Variants in PARP15 observed in about 807,000 individuals in gnomAD.
PARP15 encodes the protein protein mono-ADP-ribosyltransferase PARP15.
In PARP15, 50 loss-of-function variants were observed where a neutral mutation model predicts 62.1. The ratio of observed to expected loss-of-function variants is 0.81; its 90% CI spans 0.64 to 1.02. The LOEUF is 1.02. Among genes scored for constraint, PARP15 ranks in the 50% least tolerant of loss-of-function variants. The pLI is 0.00. For synonymous variants in PARP15, 309 were observed against 293.1 expected (o/e 1.05, Z -0.55); for missense variants, 820 against 826.5 (o/e 0.99, Z 0.10).
At chr3:122,596,443 G>A (rs146295075) in intron 1 of PARP15, among the ~76,000 whole-genome samples, 6 of 148,344 alleles carry the variant, frequency 4.0e-5, no homozygotes, top group African/African-American at 1.5e-4. Flanking sequence ...TCATCAACTT[G>A]CATTACCCAT....
chr3:122,589,035 C>T (rs1035118347), intron 1 of PARP15, among the ~76,000 whole-genome samples: 1 of 152,166 alleles, frequency 6.6e-6, no homozygotes, highest in Non-Finnish European at 1.5e-5. Flanking sequence ...CTGCCGTGAA[C>T]ATTTGTTGTC....
rs1935495290 is a variant in PARP15 at position 122,610,630 on chromosome 3, T to C, written c.443T>C (p.Val148Ala). 1.3e-6 allele frequency: 2 copies of C among 1,551,390 alleles called. No homozygotes were observed. The highest frequency in any genetic ancestry group is 1.4e-5 in the African/African-American group (1 of 72,956). Residue 148 changes from valine (V) to alanine (A), a missense_variant, in exon 3 of 12, where the codon GTA (valine) becomes GCA (alanine). By Grantham distance (64) the Val-to-Ala change is moderately conservative. This residue lies in a region of PARP15 where 731 missense variants were observed against 727.7 expected (regional missense o/e 1.00). Transcript: ENST00000464300. ...DDRRRETEEK[V>A]GNIFMTSGCN... ...AGAAGGCGGGAAACAGAGGAAAAAG[T>C]AGGTAACATATTCATGACAAGCGGC...
chr3:122,611,297 T>TA (rs1935545973), intron 3 of PARP15, among the ~76,000 whole-genome samples: 1 of 151,994 alleles, frequency 6.6e-6, no homozygotes. Context: ...AAAAAGACAA[T>TA]AAAAATAATA....
At chr3:122,595,288 C>T (rs1055168246) in intron 1 of PARP15, among the ~76,000 whole-genome samples, 31 of 151,688 alleles carry the variant, frequency 2.0e-4, no homozygotes, top group African/African-American at 7.3e-4. Context: ...TTGTCTACCT[C>T]ACCCCCATTT....
At chr3:122,629,607 G>A (rs536391089) in intron 9 of PARP15, among the ~76,000 whole-genome samples, 4 of 152,270 alleles carry the variant, frequency 2.6e-5, no homozygotes, top group African/African-American at 9.6e-5. Context: ...GTGGTTTCAG[G>A]ATGGTCCGAG....
chr3:122,611,121 A>C (rs889570365), intron 3 of PARP15, among the ~76,000 whole-genome samples: 1 of 152,188 alleles, frequency 6.6e-6, no homozygotes, highest in Non-Finnish European at 1.5e-5. Context: ...ATAATCTTTC[A>C]GTACAGCAAA....
Position 122,592,582 on chromosome 3 carries a change from T to G in PARP15, c.187-13354T>G, listed in dbSNP as rs575051256. The stretch of plus-strand genomic sequence containing the variant: ...AACAAACCTGCACATCCTGCACATG[T>G]ACCACAGAACTTAAAATAAATATTA... On this transcript the variant is annotated intron_variant, in intron 1 of 11. Transcript: ENST00000464300. Among the ~76,000 whole-genome samples, 9 of 150,076 alleles carry G rather than the reference T, an allele frequency of 6.0e-5. No homozygotes were observed. In the East Asian group the frequency reaches 1.8e-3, roughly 29 times the overall value.
chr3:122,619,883 C>T (rs1294310033), intron 7 of PARP15, 40 bp downstream of exon 7: 8 of 1,542,534 alleles, frequency 5.2e-6, no homozygotes, highest in Non-Finnish European at 7.2e-6. Flanking sequence ...ACTTGAAAAT[C>T]AGAGGGCTGA....
intron 3 of PARP15, 91 bp from the exon 4 acceptor site, chr3:122,612,950 A>G (rs1457329484): frequency 9.1e-7 from 1 of 1,096,994 alleles, no homozygotes; most frequent in African/African-American, 1.6e-5. Context: ...AATAGCAGAG[A>G]GGTCCTTGTC....
intron 1 of PARP15, among the ~76,000 whole-genome samples, chr3:122,585,442 A>T (rs1438387122): frequency 6.6e-6 from 1 of 152,224 alleles, no homozygotes; most frequent in Admixed American, 6.5e-5. Context: ...TAGTGCTAAG[A>T]GACATGATCT....
chr3:122,604,970 A>G (rs999462215), intron 1 of PARP15, among the ~76,000 whole-genome samples: 4 of 152,208 alleles, frequency 2.6e-5, no homozygotes, highest in Non-Finnish European at 4.4e-5. Context: ...CGGGAGGCAG[A>G]GGTTGCAGTG....
At chr3:122,610,421 CT>C (rs1214646450) in intron 2 of PARP15, 72 bp from the exon 3 acceptor site, 17 of 1,321,962 alleles carry the variant, frequency 1.3e-5, no homozygotes, top group Non-Finnish European at 1.3e-5. Context: ...CCCCACAATA[CT>C]TAGTAAATTT....
At chr3:122,587,441 C>T (rs554692558) in intron 1 of PARP15, among the ~76,000 whole-genome samples, 2 of 152,362 alleles carry the variant, frequency 1.3e-5, no homozygotes, top group East Asian at 3.8e-4. Flanking sequence ...TGTTGCTCCA[C>T]ATCCTTGCCA....
At chr3:122,591,590 A>G (rs7621661) in intron 1 of PARP15, among the ~76,000 whole-genome samples, 128,923 of 151,704 alleles carry the variant, frequency 0.85, 54,948 homozygotes, top group East Asian at 0.94. Context: ...GTGAAACTGC[A>G]TCTCTACTAA....
intron 8 of PARP15, among the ~76,000 whole-genome samples, chr3:122,622,965 CTT>C (rs1236926824): frequency 6.6e-6 from 1 of 152,178 alleles, no homozygotes; most frequent in Non-Finnish European, 1.5e-5. Context: ...CTTCCTTCCT[CTT>C]CCCAGATTAA....
intron 2 of PARP15, among the ~76,000 whole-genome samples, chr3:122,607,018 A>G (rs1439369013): frequency 6.6e-6 from 1 of 151,912 alleles, no homozygotes; most frequent in African/African-American, 2.4e-5. Flanking sequence ...AGAGTTTTAG[A>G]GTCCTCTGTC....
At chr3:122,598,179 C>T (rs1020297185) in intron 1 of PARP15, among the ~76,000 whole-genome samples, 3 of 152,216 alleles carry the variant, frequency 2.0e-5, no homozygotes, top group Non-Finnish European at 4.4e-5. Context: ...TCCCCACTGT[C>T]TCTACCAGCC....
intron 1 of PARP15, among the ~76,000 whole-genome samples, chr3:122,581,826 C>T (rs527923058): frequency 6.6e-5 from 10 of 152,252 alleles, no homozygotes; most frequent in African/African-American, 2.2e-4. Flanking sequence ...TCAATGCCAT[C>T]AAGCTTTTCT....
chr3:122,577,784 G>A lies in PARP15; in HGVS notation c.117G>A (p.Ala39=), dbSNP rs1417401706. Residue 39 remains alanine (A), a synonymous_variant, in exon 1 of 12, where the codon GCG becomes GCA. Transcript: ENST00000464300. ...CCAGAGCCGGACGAGATCGGGAGGC[G>A]GGGAGCGTGCTGCCGGCCGGGAACC... ...VTSRAGRDRE[A]GSVLPAGNRG... 2 of 1,551,372 alleles carry A rather than the reference G, an allele frequency of 1.3e-6. No individual in the cohort carries two copies. Among genetic ancestry groups the A allele is most frequent in the African/African-American group, 2.7e-5 (2 of 72,992 alleles).
Sources: gnomAD v4.1 joint callset for allele counts (sites outside exome capture counted in the v4.1 genomes callset) on GRCh38, gnomAD v4.1.1 for gene constraint, gnomAD v4.1.1 regional missense constraint, MANE v1.5 for transcripts, NCBI Gene and HGNC (gene_info 2026-07-23, HGNC 2026-07-21) for gene names.